TMEM132D: variants seen among roughly 807,000 people sequenced by gnomAD.
TMEM132D encodes transmembrane protein 132D.
A neutral mutation model predicts 62.3 loss-of-function variants in TMEM132D; 21 were observed. That is an observed-to-expected ratio of 0.34 (90% CI 0.24 to 0.49). The LOEUF (loss-of-function observed/expected upper bound fraction) is 0.49. TMEM132D is among the 20% of genes least tolerant of loss of function. The probability of loss-of-function intolerance (pLI) is 0.99; values close to 1 mark genes in which losing one functional copy is unlikely to be tolerated. For missense variants in TMEM132D, 1,346 were observed against 1,402.8 expected, an observed-to-expected ratio of 0.96 and a Z score of 0.65; for synonymous variants, 621 against 575.6, an observed-to-expected ratio of 1.08 and a Z score of -1.13.
At chr12:129,859,299 T>C (rs999201747) in intron 1 of TMEM132D, among the ~76,000 whole-genome samples, 1 of 152,078 alleles carries the variant, frequency 6.6e-6, no homozygotes, top group African/African-American at 2.4e-5. Context: ...TTTTATTAGG[T>C]TGGTGTAAAA....
intron 4 of TMEM132D, among the ~76,000 whole-genome samples, chr12:129,217,544 TC>T (rs1475345991): frequency 6.6e-6 from 1 of 152,138 alleles, no homozygotes; most frequent in Non-Finnish European, 1.5e-5. Context: ...GGGGAAGGCA[TC>T]AGAGGAAGAT....
chr12:129,267,244 G>T (rs966870485), intron 4 of TMEM132D, among the ~76,000 whole-genome samples: 1 of 152,172 alleles, frequency 6.6e-6, no homozygotes, highest in African/African-American at 2.4e-5. Context: ...AAGTCAAATT[G>T]TCCCTGTTTG....
intron 4 of TMEM132D, among the ~76,000 whole-genome samples, chr12:129,230,229 C>A (rs946027871): frequency 2.0e-5 from 3 of 150,300 alleles, no homozygotes; most frequent in African/African-American, 7.6e-5. Context: ...CCCAGCCTGG[C>A]CATCCCCTTC....
intron 4 of TMEM132D, among the ~76,000 whole-genome samples, chr12:129,280,503 C>T (rs2135608826): frequency 2.6e-5 from 4 of 152,264 alleles, no homozygotes; most frequent in Admixed American, 2.0e-4. Context: ...ATGATTGTTT[C>T]CTTATACAAC....
chr12:129,671,059 T>C (rs2137199577), intron 2 of TMEM132D, among the ~76,000 whole-genome samples: 1 of 152,164 alleles, frequency 6.6e-6, no homozygotes, highest in African/African-American at 2.4e-5. Flanking sequence ...GAGTGAGGAG[T>C]CACTAAAAAC....
At chr12:129,213,837 G>T (rs1186114847) in intron 4 of TMEM132D, among the ~76,000 whole-genome samples, 3 of 152,128 alleles carry the variant, frequency 2.0e-5, no homozygotes, top group Admixed American at 2.0e-4. Flanking sequence ...CAACCCGGGG[G>T]ATCACATTTC....
At chr12:129,407,771 G>A (rs974712504) in intron 3 of TMEM132D, among the ~76,000 whole-genome samples, 12 of 151,792 alleles carry the variant, frequency 7.9e-5, no homozygotes, top group African/African-American at 2.4e-4. Context: ...GTGTGGTGGC[G>A]GGTGCCTGTA....
At chr12:129,820,476 T>C (rs1339840309) in intron 1 of TMEM132D, among the ~76,000 whole-genome samples, 1 of 152,190 alleles carries the variant, frequency 6.6e-6, no homozygotes, top group Non-Finnish European at 1.5e-5. Flanking sequence ...CAGTTAACCA[T>C]ACATTATAAA....
chr12:129,268,358 T>C (rs912111532), intron 4 of TMEM132D, among the ~76,000 whole-genome samples: 6 of 151,688 alleles, frequency 4.0e-5, no homozygotes, highest in Admixed American at 1.3e-4. Context: ...AACAACCCCA[T>C]CAAAAAATGG....
chr12:129,269,044 A>G (rs1454929646), intron 4 of TMEM132D, among the ~76,000 whole-genome samples: 8 of 150,460 alleles, frequency 5.3e-5, no homozygotes, highest in African/African-American at 9.8e-5. Context: ...GGGGAGGGAT[A>G]GCATTAGGAG....
chr12:129,420,310 T>TTTTTTTTG lies in TMEM132D; in HGVS notation c.1116-82494_1116-82493insCAAAAAAA, dbSNP rs1443401475. Among the ~76,000 whole-genome samples the TTTTTTTTG allele has an allele frequency of 4.0e-3, 153 of 38,504 alleles. 5 individuals carry two copies. The highest frequency in any genetic ancestry group is 8.9e-3 in the African/African-American group (144 of 16,194). 25.3% of individuals were successfully genotyped at this position (38,504 alleles called of 152,430 possible). On this transcript the variant is annotated intron_variant, in intron 3 of 8. Coordinates refer to ENST00000422113, the MANE Select transcript of TMEM132D (RefSeq NM_133448.3). ...TCAAATTATTGCACGTTCTCTGTTTTTTTTTTTTTTTTTTTTTTTTGCAGT... is the reference window on the plus strand; with the variant it reads ...TCAAATTATTGCACGTTCTCTGTTTTTTTTTTTGTTTTTTTTTTTTTTTTTTTTGCAGT...
chr12:129,755,943 A>C (rs1870155050), intron 1 of TMEM132D, among the ~76,000 whole-genome samples: 1 of 152,292 alleles, frequency 6.6e-6, no homozygotes, highest in Non-Finnish European at 1.5e-5. Context: ...AGAACCCAAA[A>C]ATGTCCATAA....
At chr12:129,579,069 G>T (rs184205914) in intron 2 of TMEM132D, among the ~76,000 whole-genome samples, 1 of 152,322 alleles carries the variant, frequency 6.6e-6, no homozygotes, top group East Asian at 1.9e-4. Context: ...TTGGTAGTAG[G>T]TGTTAAATAT....
chr12:129,207,715 G>A (rs1878896315), intron 5 of TMEM132D, among the ~76,000 whole-genome samples: 1 of 152,062 alleles, frequency 6.6e-6, no homozygotes, highest in Non-Finnish European at 1.5e-5. Context: ...TTCTGTCTCT[G>A]TAAATACTTT....
chr12:129,796,168 C>CTAAA (rs932844311), intron 1 of TMEM132D, among the ~76,000 whole-genome samples: 6 of 151,642 alleles, frequency 4.0e-5, no homozygotes, highest in African/African-American at 1.5e-4. Context: ...GACCCTGTCT[C>CTAAA]TAAATAAATA....
At chr12:129,478,970 G>A (rs148409460) in intron 3 of TMEM132D, among the ~76,000 whole-genome samples, 1 of 152,300 alleles carries the variant, frequency 6.6e-6, no homozygotes, top group African/African-American at 2.4e-5. Context: ...TATATTTGTG[G>A]ACTACTGCTG....
Position 129,257,505 on chromosome 12 carries a change from G to A in TMEM132D, c.1300-47842C>T, listed in dbSNP as rs150476664. ...ATTACAGGCGTGAGCCACTGTGCCC[G>A]GCCCATCCCCTGGTTTTGACAATGA... On this transcript the variant is annotated intron_variant, in intron 4 of 8. Transcript: ENST00000422113. Among the ~76,000 whole-genome samples, 774 of 152,258 alleles carry A rather than the reference G, an allele frequency of 5.1e-3. 1 individual carries two copies. Among genetic ancestry groups the A allele is most frequent in the Non-Finnish European group, 8.0e-3 (541 of 68,006 alleles).
intron 5 of TMEM132D, among the ~76,000 whole-genome samples, chr12:129,096,475 G>A (rs1013399307): frequency 2.0e-5 from 3 of 152,200 alleles, no homozygotes; most frequent in Non-Finnish European, 2.9e-5. Flanking sequence ...AGCAAAGACT[G>A]GGTGTTCAGG....
chr12:129,434,351 T>C (rs1872735099), intron 3 of TMEM132D, among the ~76,000 whole-genome samples: 1 of 152,194 alleles, frequency 6.6e-6, no homozygotes, highest in Admixed American at 6.5e-5. Context: ...AAATTGTGAC[T>C]GAATGAACAT....
Sources: gnomAD v4.1 joint callset for allele counts (sites outside exome capture counted in the v4.1 genomes callset) on GRCh38, gnomAD v4.1.1 for gene constraint, MANE v1.5 for transcripts, NCBI Gene and HGNC (gene_info 2026-07-23, HGNC 2026-07-21) for gene names.